CADM1: variants seen among roughly 807,000 people sequenced by gnomAD.
CADM1 encodes the protein TSLC-1.
CADM1 carries 15 observed loss-of-function variants against 53.1 expected under a neutral mutation model. The observed-to-expected ratio is 0.28, with a 90% CI of 0.19 to 0.44. The LOEUF (loss-of-function observed/expected upper bound fraction) is 0.44, where lower values mean the gene tolerates loss of function less well. CADM1 is among the 20% of genes least tolerant of loss of function. CADM1 has a pLI of 1.00. For synonymous variants in CADM1, 281 were observed against 243.0 expected (o/e 1.16, Z -1.45); for missense variants, 434 against 611.3 (o/e 0.71, Z 3.06).
At chr11:115,393,636 C>T (rs1946903642) in intron 1 of CADM1, among the ~76,000 whole-genome samples, 1 of 150,948 alleles carries the variant, frequency 6.6e-6, no homozygotes, top group Non-Finnish European at 1.5e-5. Flanking sequence ...AAATCCACAG[C>T]TCTGAATAAC....
At chr11:115,495,174 T>G (rs907170430) in intron 1 of CADM1, among the ~76,000 whole-genome samples, 2 of 152,196 alleles carry the variant, frequency 1.3e-5, no homozygotes, top group Admixed American at 6.5e-5. Flanking sequence ...TTTGAAGTTT[T>G]CATTGTTTAA....
At chr11:115,242,505 T>A (rs2088316624) in intron 1 of CADM1, among the ~76,000 whole-genome samples, 1 of 152,146 alleles carries the variant, frequency 6.6e-6, no homozygotes, top group African/African-American at 2.4e-5. Context: ...GTGGTTTTGC[T>A]GGCCCTGGCA....
chr11:115,340,658 A>ATATTTTTTTTTTT (rs60532835), intron 1 of CADM1, among the ~76,000 whole-genome samples: 2 of 34,938 alleles, frequency 5.7e-5, no homozygotes, highest in African/African-American at 1.4e-4. Flanking sequence ...ATATATATAT[A>ATATTTTTTTTTTT]TTTTTTTTTT....
At chr11:115,187,344 C>T (rs547774501) in intron 10 of CADM1, among the ~76,000 whole-genome samples, 11 of 152,286 alleles carry the variant, frequency 7.2e-5, no homozygotes, top group Admixed American at 2.0e-4. Flanking sequence ...TCCCAGTAAC[C>T]GGAAGGCCAT....
At chr11:115,200,591 A>T (rs45466095) in intron 8 of CADM1, among the ~76,000 whole-genome samples, 1 of 151,910 alleles carries the variant, frequency 6.6e-6, no homozygotes, top group African/African-American at 2.4e-5. Flanking sequence ...TGGTTCCTGC[A>T]TTCAAGCGAT....
chr11:115,436,637 T>C (rs1240644708), intron 1 of CADM1, among the ~76,000 whole-genome samples: 1 of 152,198 alleles, frequency 6.6e-6, no homozygotes, highest in Admixed American at 6.5e-5. Context: ...TGGCAATTTA[T>C]GCACTTAGCT....
rs147679957 is a variant in CADM1, at chr11:115,191,601, G to A, written c.1112-660C>T. ...ATCGGGGCTTGAAATGCCTATATCC[G>A]AGTCAATTCCAATGCTGGCCAGCTG... On this transcript the variant is annotated intron_variant, in intron 9 of 11. Coordinates refer to ENST00000331581, the MANE Select transcript of CADM1 (RefSeq NM_001301043.2). Among the ~76,000 whole-genome samples the A allele has an allele frequency of 3.0e-3, 464 of 152,278 alleles. 6 individuals are homozygous for A. The highest frequency in any genetic ancestry group is 0.011 in the African/African-American group (437 of 41,566).
chr11:115,471,659 T>C (rs1949013255), intron 1 of CADM1, among the ~76,000 whole-genome samples: 1 of 152,134 alleles, frequency 6.6e-6, no homozygotes, highest in Non-Finnish European at 1.5e-5. Flanking sequence ...AGTGGGGCAT[T>C]CTAACATGTT....
intron 1 of CADM1, among the ~76,000 whole-genome samples, chr11:115,286,817 T>C (rs1306291683): frequency 6.6e-6 from 1 of 152,158 alleles, no homozygotes; most frequent in African/African-American, 2.4e-5. Context: ...AGCAGGGGTG[T>C]TGGGGAGGTT....
intron 1 of CADM1, among the ~76,000 whole-genome samples, chr11:115,351,679 A>G (rs1945741134): frequency 6.6e-6 from 1 of 152,210 alleles, no homozygotes; most frequent in African/African-American, 2.4e-5. Context: ...TAAATTATTA[A>G]TCTTTTAAAC....
intron 1 of CADM1, among the ~76,000 whole-genome samples, chr11:115,355,516 C>T (rs1361823831): frequency 1.3e-5 from 2 of 151,848 alleles, no homozygotes; most frequent in Admixed American, 6.6e-5. Flanking sequence ...CTATTGGGTA[C>T]GAGGCTTAGT....
At chr11:115,233,153 G>T (rs1014822952) in intron 3 of CADM1, among the ~76,000 whole-genome samples, 14 of 152,114 alleles carry the variant, frequency 9.2e-5, no homozygotes, top group African/African-American at 3.4e-4. Flanking sequence ...GGTGGTGGCG[G>T]GGGGTGTAAT....
chr11:115,272,367 T>C (rs1943323744), intron 1 of CADM1, among the ~76,000 whole-genome samples: 1 of 152,182 alleles, frequency 6.6e-6, no homozygotes, highest in Non-Finnish European at 1.5e-5. Flanking sequence ...TTTTGCTTAT[T>C]ATCTAATAGT....
intron 9 of CADM1, among the ~76,000 whole-genome samples, chr11:115,192,255 AC>A (rs1457422779): frequency 2.0e-5 from 3 of 152,164 alleles, no homozygotes; most frequent in Admixed American, 6.5e-5. Flanking sequence ...CACACCATCA[AC>A]CCTTGAGGAA....
intron 1 of CADM1, among the ~76,000 whole-genome samples, chr11:115,344,009 C>A (rs773988588): frequency 6.6e-6 from 1 of 152,110 alleles, no homozygotes; most frequent in Non-Finnish European, 1.5e-5. Context: ...AATAGAGTAT[C>A]GTGGAGCTTT....
intron 1 of CADM1, among the ~76,000 whole-genome samples, chr11:115,263,370 A>G (rs2135023453): frequency 6.6e-6 from 1 of 152,374 alleles, no homozygotes; most frequent in African/African-American, 2.4e-5. Flanking sequence ...CACCAGAGGA[A>G]TTAATAAATA....
At chr11:115,297,541 A>G (rs1390549229) in intron 1 of CADM1, among the ~76,000 whole-genome samples, 1 of 152,230 alleles carries the variant, frequency 6.6e-6, no homozygotes, top group Admixed American at 6.5e-5. Flanking sequence ...TTTCCTGTTG[A>G]TTAAGCCACA....
intron 1 of CADM1, among the ~76,000 whole-genome samples, chr11:115,485,042 C>T (rs184221465): frequency 1.3e-5 from 2 of 152,210 alleles, no homozygotes; most frequent in Non-Finnish European, 2.9e-5. Context: ...TAAGTCGAAT[C>T]CATTTGCTTA....
chr11:115,438,899 C>T (rs955216268), intron 1 of CADM1, among the ~76,000 whole-genome samples: 1 of 152,072 alleles, frequency 6.6e-6, no homozygotes, highest in Non-Finnish European at 1.5e-5. Context: ...CTTTTGCCTG[C>T]ATCAGTCAAA....
Sources: gnomAD v4.1 joint callset for allele counts (sites outside exome capture counted in the v4.1 genomes callset) on GRCh38, gnomAD v4.1.1 for gene constraint, MANE v1.5 for transcripts, NCBI Gene and HGNC (gene_info 2026-07-23, HGNC 2026-07-21) for gene names.